The following RASSF9 variants were observed in gnomAD, a reference collection of about 807,000 sequenced individuals.
The protein encoded by RASSF9 is ras association domain-containing protein 9.
RASSF9 carries 18 observed loss-of-function variants against 21.4 expected under a neutral mutation model. The ratio of observed to expected loss-of-function variants is 0.84; its 90% confidence interval spans 0.58 to 1.25. RASSF9 has a LOEUF of 1.25. Ranked by LOEUF, RASSF9 falls within the 50% of genes most tolerant of loss-of-function variation. The probability of loss-of-function intolerance (pLI) is 0.00; values close to 1 mark genes in which losing one functional copy is unlikely to be tolerated. For synonymous variants in RASSF9, 183 were observed against 179.1 expected (o/e 1.02, Z -0.18); for missense variants, 480 against 503.2 (o/e 0.95, Z 0.44).
intron 1 of RASSF9, among the ~76,000 whole-genome samples, chr12:85,835,507 T>G (rs1592536435): frequency 6.6e-6 from 1 of 152,124 alleles, no homozygotes; most frequent in South Asian, 2.1e-4. Flanking sequence ...TAATAAGGAT[T>G]AGAGAGGATA....
chr12:85,825,746 T>C (rs2136561464), intron 1 of RASSF9, among the ~76,000 whole-genome samples: 1 of 151,948 alleles, frequency 6.6e-6, no homozygotes, highest in African/African-American at 2.4e-5. Context: ...TCTGTACCAT[T>C]CTCTAGGAGA....
intron 1 of RASSF9, among the ~76,000 whole-genome samples, chr12:85,813,380 A>T (rs977485849): frequency 6.6e-5 from 10 of 152,004 alleles, no homozygotes; most frequent in African/African-American, 2.4e-4. Context: ...AAAAGGCAAG[A>T]TTCATACAAT....
In RASSF9 at chr12:85,804,662, C is replaced by T; in HGVS notation, c.*40G>A. On this transcript the variant is annotated 3_prime_UTR_variant, in exon 2 of 2. Coordinates refer to ENST00000361228, the MANE Select transcript of RASSF9 (RefSeq NM_005447.4). ...GAGGTTTCCTATTAAATTAAACAAA[C>T]ATTAAAACATGAAAGCAGGTCAGAA... The T allele has an allele frequency of 2.7e-6, 4 of 1,481,918 alleles. No homozygotes were observed. Among genetic ancestry groups the T allele is most frequent in the Non-Finnish European group, 3.6e-6 (4 of 1,105,924 alleles). 91.8% of individuals were successfully genotyped at this position (1,481,918 alleles called of 1,614,324 possible).
chr12:85,826,224 T>G (rs536180349), intron 1 of RASSF9, among the ~76,000 whole-genome samples: 1 of 152,300 alleles, frequency 6.6e-6, no homozygotes, highest in East Asian at 1.9e-4. Flanking sequence ...ATATTTTCTG[T>G]TCTTTATGAT....
intron 1 of RASSF9, among the ~76,000 whole-genome samples, chr12:85,809,082 C>G (rs1879894785): frequency 6.6e-6 from 1 of 152,030 alleles, no homozygotes; most frequent in South Asian, 2.1e-4. Flanking sequence ...AAAATATTAT[C>G]CCCATTTTAC....
chr12:85,830,287 A>T (rs1592534660), intron 1 of RASSF9, among the ~76,000 whole-genome samples: 1 of 152,112 alleles, frequency 6.6e-6, no homozygotes, highest in East Asian at 1.9e-4. Flanking sequence ...GTTGTATGTC[A>T]TCTATTTATT....
intron 1 of RASSF9, among the ~76,000 whole-genome samples, chr12:85,835,090 C>T (rs1279099013): frequency 2.0e-5 from 3 of 151,884 alleles, no homozygotes; most frequent in Non-Finnish European, 4.4e-5. Flanking sequence ...GACATGTGTG[C>T]GCAAAATAAA....
At chr12:85,819,653 A>G (rs938820844) in intron 1 of RASSF9, among the ~76,000 whole-genome samples, 2 of 152,200 alleles carry the variant, frequency 1.3e-5, no homozygotes, top group African/African-American at 4.8e-5. Flanking sequence ...TCTCATCTAC[A>G]TAACACACCC....
chr12:85,836,316 G>T lies in RASSF9; in HGVS notation c.-115C>A. 6.5e-7 allele frequency: 1 copy of T among 1,528,594 alleles called. No individual in the cohort carries two copies. The highest frequency in any genetic ancestry group is 8.8e-7 in the Non-Finnish European group (1 of 1,136,860). The allele number at this position is 1,528,594 out of a possible 1,614,324, so 94.7% of individuals were successfully genotyped here. On this transcript the variant is annotated 5_prime_UTR_variant, in exon 1 of 2. Coordinates refer to ENST00000361228, the MANE Select transcript of RASSF9 (RefSeq NM_005447.4). ...GGGCTGGAAGCTTTCTCTTCTCCTC[G>T]GATGTTCCTGGCTTTCAGCTCATTA... is the stretch of plus-strand genomic sequence containing the variant.
At chr12:85,835,457 C>G (rs1221482228) in intron 1 of RASSF9, among the ~76,000 whole-genome samples, 1 of 152,096 alleles carries the variant, frequency 6.6e-6, no homozygotes, top group Admixed American at 6.5e-5. Flanking sequence ...ATGGGCATTT[C>G]AAGCTTGAAA....
intron 1 of RASSF9, among the ~76,000 whole-genome samples, chr12:85,811,735 T>C (rs990286060): frequency 1.6e-4 from 25 of 151,810 alleles, no homozygotes; most frequent in African/African-American, 6.0e-4. Context: ...GAACTTTCTT[T>C]AATAAATTAT....
chr12:85,807,803 A>G (rs563678283), intron 1 of RASSF9, among the ~76,000 whole-genome samples: 41 of 152,314 alleles, frequency 2.7e-4, no homozygotes, highest in African/African-American at 9.9e-4. Flanking sequence ...CATGATGTCT[A>G]GATCATACCT....
rs187360358 is a variant in RASSF9, at chr12:85,813,207, G to C, written c.48-7245C>G. ...TTTCAACAACATGTGTTAGCCTCAG[G>C]GATATTTTTCCATATTCATTCTGAA... On this transcript the variant is annotated intron_variant, in intron 1 of 1. Transcript: ENST00000361228. 4.5e-3 allele frequency among the ~76,000 whole-genome samples: 680 copies of C among 151,748 alleles called. 5 individuals are homozygous for C. Among genetic ancestry groups the C allele is most frequent in the African/African-American group, 0.015 (626 of 41,438 alleles).
intron 1 of RASSF9, among the ~76,000 whole-genome samples, chr12:85,827,066 T>C (rs1880350277): frequency 6.6e-6 from 1 of 152,174 alleles, no homozygotes; most frequent in African/African-American, 2.4e-5. Flanking sequence ...CTTCTCCTTG[T>C]CACCTAACAT....
rs1009068457 is a variant in RASSF9 at position 85,804,346 on chromosome 12, A to T, written c.*356T>A. 1.7e-5 allele frequency: 3 copies of T among 178,878 alleles called. No homozygotes were observed. Among genetic ancestry groups the T allele is most frequent in the Non-Finnish European group, 2.3e-5 (2 of 85,916 alleles). The allele number at this position is 178,878 out of a possible 1,614,324, so 11.1% of individuals were successfully genotyped here. ...CAGCACATTTTAATTCTACTTCTTC[A>T]TGTTTGAATATTTGGACTGTCTAAT... On this transcript the variant is annotated 3_prime_UTR_variant, in exon 2 of 2. Transcript: ENST00000361228.
intron 1 of RASSF9, among the ~76,000 whole-genome samples, chr12:85,829,732 T>C (rs1880409627): frequency 6.6e-6 from 1 of 152,142 alleles, no homozygotes; most frequent in African/African-American, 2.4e-5. Flanking sequence ...TTTACTCCTC[T>C]CTTAAATATT....
At chr12:85,824,353 C>T (rs1286052344) in intron 1 of RASSF9, among the ~76,000 whole-genome samples, 2 of 152,098 alleles carry the variant, frequency 1.3e-5, no homozygotes, top group African/African-American at 4.8e-5. Context: ...AACAACCAAT[C>T]ACTGTTTGTT....
At chr12:85,807,095 C>A (rs545342894) in intron 1 of RASSF9, among the ~76,000 whole-genome samples, 1 of 152,258 alleles carries the variant, frequency 6.6e-6, no homozygotes, top group South Asian at 2.1e-4. Flanking sequence ...GACTATTTTA[C>A]TTAAAGTGCT....
chr12:85,821,469 GAAAT>G (rs1880209676), intron 1 of RASSF9, among the ~76,000 whole-genome samples: 1 of 152,102 alleles, frequency 6.6e-6, no homozygotes, highest in South Asian at 2.1e-4. Context: ...GATAAAGCAT[GAAAT>G]ATAGTGCTAT....
Sources: gnomAD v4.1 joint callset for allele counts (sites outside exome capture counted in the v4.1 genomes callset) on GRCh38, gnomAD v4.1.1 for gene constraint, MANE v1.5 for transcripts, NCBI Gene and HGNC (gene_info 2026-07-23, HGNC 2026-07-21) for gene names.